FLNC: variants seen among roughly 807,000 people sequenced by gnomAD.
FLNC encodes the protein filamin C, also known as filamin-C.
A neutral mutation model predicts 254.3 loss-of-function variants in FLNC; 91 were observed. The ratio of observed to expected loss-of-function variants is 0.36; its 90% CI spans 0.30 to 0.43. The LOEUF (loss-of-function observed/expected upper bound fraction) is 0.43, where lower values mean the gene tolerates loss of function less well. FLNC is among the 20% of genes least tolerant of loss of function. The pLI, the probability that FLNC is intolerant of heterozygous loss-of-function variation, is 1.00. For missense variants in FLNC, 2,853 were observed against 3,802.6 expected (o/e 0.75, Z 6.57); for synonymous variants, 1,430 against 1,577.2 (o/e 0.91, Z 2.21).
rs1227658348 is a variant in FLNC at position 128,842,684 on chromosome 7, G to T, written c.2375G>T (p.Ser792Ile). The T allele has an allele frequency of 1.4e-5, 21 of 1,554,792 alleles. No homozygotes were observed. The highest frequency in any genetic ancestry group is 1.7e-4 in the Middle Eastern group (1 of 5,786). ...NEPTYFTVDCSEAGQGDVSIG... is the reference protein window; with the variant it reads ...NEPTYFTVDCIEAGQGDVSIG... ...CCCACCTACTTCACGGTGGACTGCA[G>T]CGAGGCGGGGCAAGGTGCGCCCAGC... The change falls in exon 15 of 48, where the codon AGC becomes ATC. Residue 792 changes from serine to isoleucine, a missense_variant. This residue lies in a region of FLNC where 1,573 missense variants were observed against 1,883.5 expected (regional missense o/e 0.84). Coordinates refer to ENST00000325888, the MANE Select transcript of FLNC (RefSeq NM_001458.5). The surrounding 1 kb of genome is among the most constrained non-coding windows in gnomAD (Gnocchi z 5.4).
chr7:128,840,074 G>T lies in FLNC; in HGVS notation c.1463G>T (p.Gly488Val). The T allele has an allele frequency of 1.2e-6, 2 of 1,614,156 alleles. No homozygotes were observed. The highest frequency in any genetic ancestry group is 1.7e-6 in the Non-Finnish European group (2 of 1,180,044). The change falls in exon 9 of 48, where the codon GGT (glycine) becomes GTT (valine). Residue 488 changes from glycine (G) to valine (V), a missense_variant. By Grantham distance (109) the Gly-to-Val change is moderately radical (BLOSUM62 -3). Coordinates refer to ENST00000325888, the MANE Select transcript of FLNC (RefSeq NM_001458.5). ...RASGRGLQPKGVRVKEVADFK... is the reference protein window; with the variant it reads ...RASGRGLQPKVVRVKEVADFK... The stretch of plus-strand genomic sequence containing the variant: ...TCTGGGCGAGGCCTGCAGCCCAAGG[G>T]TGTTCGCGTGAAAGAGGTGGCTGAC...
rs550547714 is a variant in FLNC at position 128,856,648 on chromosome 7, G to A, written c.7382G>A (p.Ser2461Asn). 44 of 1,613,134 alleles carry A rather than the reference G, an allele frequency of 2.7e-5. No individual in the cohort carries two copies. The highest frequency in any genetic ancestry group is 3.6e-5 in the Non-Finnish European group (43 of 1,180,038). Residue 2461 changes from serine to asparagine, a missense_variant and splice_region_variant, in exon 44 of 48, where the codon AGT becomes AAT. This residue lies in a region of FLNC where 47 missense variants were observed against 40.3 expected (regional missense o/e 1.17). Coordinates refer to ENST00000325888, the MANE Select transcript of FLNC (RefSeq NM_001458.5). The surrounding 1 kb of genome is among the most constrained non-coding windows in gnomAD (Gnocchi z 5.9). ...GAGTGCTACGTCTCTGAGCTGGACA[G>A]TGGTGAGCTGGCCCTGCCCCTGCCA... is the stretch of plus-strand genomic sequence containing the variant. ...VEECYVSELD[S>N]DKHTIRFIPH...
rs1438597118 is a variant in FLNC, at chr7:128,836,364, C to T, written c.601+790C>T. Among the ~76,000 whole-genome samples the T allele has an allele frequency of 6.6e-6, 1 of 152,184 alleles. No homozygotes were observed. Among genetic ancestry groups the T allele is most frequent in the African/African-American group, 2.4e-5 (1 of 41,440 alleles). ...GGGGCACAGCCTCCTGGGAAGCATT[C>T]CCAGCTGCTGAGCCATGGCCCATAA... On this transcript the variant is annotated intron_variant, in intron 2 of 47. Transcript: ENST00000325888. The surrounding 1 kb of genome is among the most constrained non-coding windows in gnomAD (Gnocchi z 6.0).
In FLNC at chr7:128,849,340, T is replaced by C. The variant is rs761813135; in HGVS notation, c.4961T>C (p.Leu1654Pro). ...ATCTCCCGCATGGCAGGTGCCTGCCTGGGCCCTCGAATCCAGATTGGGCAG... is the reference window on the plus strand; with the variant it reads ...ATCTCCCGCATGGCAGGTGCCTGCCCGGGCCCTCGAATCCAGATTGGGCAG... Reference protein sequence around the residue: ...SIGGHGLGACLGPRIQIGQET... With the variant: ...SIGGHGLGACPGPRIQIGQET... The change falls in exon 30 of 48, where the codon CTG (leucine) becomes CCG (proline). Residue 1654 changes from leucine to proline, a missense_variant. By Grantham distance (98) the Leu-to-Pro change is moderately conservative. This residue lies in a region of FLNC where 258 missense variants were observed against 312.3 expected (regional missense o/e 0.83). Transcript: ENST00000325888. The C allele has an allele frequency of 1.9e-6, 3 of 1,614,040 alleles. No homozygotes were observed. The South Asian group carries it at 3.3e-5, about 18-fold the overall frequency.
rs75234599 is a variant in FLNC at position 128,844,510 on chromosome 7, C to T, written c.3193-148C>T. Reference sequence around the variant, plus strand: ...CTAACTGGGGCAAATTGCTTCATCTCGCTGCCTCAATGTCATCACCTGGGA... The same window carrying T: ...CTAACTGGGGCAAATTGCTTCATCTTGCTGCCTCAATGTCATCACCTGGGA... On this transcript the variant is annotated intron_variant, in intron 20 of 47. Coordinates refer to ENST00000325888, the MANE Select transcript of FLNC (RefSeq NM_001458.5). The T allele has an allele frequency of 0.032, 29,783 of 919,776 alleles. 678 individuals are homozygous for T. Among genetic ancestry groups the T allele is most frequent in the Non-Finnish European group, 0.037 (21,712 of 580,836 alleles). The allele number at this position is 919,776 out of a possible 1,614,324, so 57.0% of individuals were successfully genotyped here.
At chr7:128,843,186 G>A (rs1424050492) in intron 16 of FLNC, 43 bp from the exon 17 acceptor site, 3 of 1,522,840 alleles carry the variant, frequency 2.0e-6, no homozygotes, top group African/African-American at 1.4e-5. Flanking sequence ...GAGCAGGGGT[G>A]TGTTCCCCTC....
At chr7:128,843,696 A>G (rs889038262) in intron 18 of FLNC, 100 bp from the exon 19 acceptor site, 35 of 1,484,760 alleles carry the variant, frequency 2.4e-5, no homozygotes, top group Non-Finnish European at 3.3e-5. Flanking sequence ...TCCTGCCCTC[A>G]CTCTCATGGT....
chr7:128,843,064 G>GCC, intron 16 of FLNC, 110 bp downstream of exon 16: 1 of 1,452,790 alleles, frequency 6.9e-7, no homozygotes, highest in Non-Finnish European at 9.5e-7. Flanking sequence ...ACATGGTGGA[G>GCC]CCCTACCTGT....
chr7:128,840,629 A>G lies in FLNC; in HGVS notation c.1631A>G (p.Lys544Arg). ...ECEYYPVVPG[K>R]YVVTITWGGY... ...GAGTACTACCCGGTGGTGCCTGGGA[A>G]GTATGTGGTGACCATCACGTGGGGC... Residue 544 changes from lysine (K) to arginine (R), a missense_variant, in exon 10 of 48, where the codon AAG (lysine) becomes AGG (arginine). This residue lies in a region of FLNC where 1,573 missense variants were observed against 1,883.5 expected (regional missense o/e 0.84). Transcript: ENST00000325888. The G allele has an allele frequency of 6.2e-7, 1 of 1,614,152 alleles. No individual in the cohort carries two copies. The highest frequency in any genetic ancestry group is 8.5e-7 in the Non-Finnish European group (1 of 1,180,012).
rs765922145 is a variant in FLNC at position 128,845,158 on chromosome 7, C to T, written c.3693C>T (p.Gly1231=). The change falls in exon 21 of 48, where the codon GGC becomes GGT. Residue 1231 remains glycine (G), a synonymous_variant. Transcript: ENST00000325888. ...CCTACACCATTACCATCAAGTATGG[C>T]GGGCATCCCGTGCCCAAATTCCCCA... ...PGTYTITIKY[G]GHPVPKFPTR... 2.7e-5 allele frequency: 44 copies of T among 1,613,822 alleles called. No homozygotes were observed. Among genetic ancestry groups the T allele is most frequent in the Non-Finnish European group, 3.4e-5 (40 of 1,180,032 alleles).
chr7:128,836,964 G>A lies in FLNC; in HGVS notation c.602-196G>A, dbSNP rs1040206343. On this transcript the variant is annotated intron_variant, in intron 2 of 47. Transcript: ENST00000325888. This position sits in a 1 kb window ranked among gnomAD's most constrained non-coding sequence, Gnocchi z 6.0. ...GCAGAAAGGCTTCATTGTTGGTGGT[G>A]GAGAGGGCTGTCCTGCTCCTACGTG... Among the ~76,000 whole-genome samples, 1 of 152,244 alleles carries A rather than the reference G, an allele frequency of 6.6e-6. No individual in the cohort carries two copies. The highest frequency in any genetic ancestry group is 2.4e-5 in the African/African-American group (1 of 41,464).
Position 128,854,008 on chromosome 7 carries a change from C to T in FLNC, c.6519C>T (p.Arg2173=). 6.2e-7 allele frequency: 1 copy of T among 1,613,318 alleles called. No homozygotes were observed. Among genetic ancestry groups the T allele is most frequent in the Non-Finnish European group, 8.5e-7 (1 of 1,180,012 alleles). ...TCCAGATGGTGTCTGCCCAGGAGCGCCTGACACGCACCTTCACACGCAGCA... is the reference window on the plus strand; with the variant it reads ...TCCAGATGGTGTCTGCCCAGGAGCGTCTGACACGCACCTTCACACGCAGCA... ...NWFQMVSAQE[R]LTRTFTRSSH... Residue 2173 remains arginine, a synonymous_variant, in exon 40 of 48, where the codon CGC becomes CGT. Coordinates refer to ENST00000325888, the MANE Select transcript of FLNC (RefSeq NM_001458.5).
In FLNC at chr7:128,858,687, C is replaced by T. The variant is rs1006014295; in HGVS notation, c.*164C>T. 48 of 648,510 alleles carry T rather than the reference C, an allele frequency of 7.4e-5. No individual in the cohort carries two copies. Among genetic ancestry groups the T allele is most frequent in the African/African-American group, 3.4e-4 (19 of 55,500 alleles). The allele number at this position is 648,510 out of a possible 1,614,324, so 40.2% of individuals were successfully genotyped here. A position where few individuals can be genotyped will look rare whatever the true frequency, so the allele number is the denominator to read the frequency against. ...TGAAGGCCCAGCCTCCCCACCCCAC[C>T]GCGCCCCAGGGGTTGGAGGACCTTG... On this transcript the variant is annotated 3_prime_UTR_variant, in exon 48 of 48. Coordinates refer to ENST00000325888, the MANE Select transcript of FLNC (RefSeq NM_001458.5). This position sits in a 1 kb window ranked among gnomAD's most constrained non-coding sequence, Gnocchi z 6.7.
rs1808084788 is a variant in FLNC at position 128,836,123 on chromosome 7, C to T, written c.601+549C>T. 6.6e-6 allele frequency among the ~76,000 whole-genome samples: 1 copy of T among 152,212 alleles called. No homozygotes were observed. The highest frequency in any genetic ancestry group is 6.5e-5 in the Admixed American group (1 of 15,286). On this transcript the variant is annotated intron_variant, in intron 2 of 47. Transcript: ENST00000325888. The surrounding 1 kb of genome is among the most constrained non-coding windows in gnomAD (Gnocchi z 6.0). ...ACTGCCTGGTGGCAGGTGAGCCAGCCTTGCCCCTTCTCCGTGTAGGTCCTG... is the reference window on the plus strand; with the variant it reads ...ACTGCCTGGTGGCAGGTGAGCCAGCTTTGCCCCTTCTCCGTGTAGGTCCTG...
In FLNC at chr7:128,843,474, A is replaced by T. The variant is rs1217640385; in HGVS notation, c.2708A>T (p.Asp903Val). The T allele has an allele frequency of 6.2e-7, 1 of 1,613,976 alleles. No individual in the cohort carries two copies. Among genetic ancestry groups the T allele is most frequent in the African/African-American group, 1.3e-5 (1 of 74,932 alleles). The change falls in exon 18 of 48, where the codon GAT becomes GTT. Residue 903 changes from aspartate (D) to valine (V), a missense_variant. Transcript: ENST00000325888. ...LTKGAGKAKLDVQFAGTAKGE... is the reference protein window; with the variant it reads ...LTKGAGKAKLVVQFAGTAKGE... ...AAGGGAGCCGGCAAGGCCAAGCTGG[A>T]TGTGCAGTTTGCAGGGACAGCCAAG... is the stretch of plus-strand genomic sequence containing the variant.
rs1180157783 is a variant in FLNC at position 128,844,771 on chromosome 7, C to T, written c.3306C>T (p.Pro1102=). ...TGGLGLTVEG[P]CEAKIECQDN... ...GCCTGGGGCTGACCGTAGAGGGCCCCTGCGAGGCCAAGATCGAGTGCCAGG... is the reference window on the plus strand; with the variant it reads ...GCCTGGGGCTGACCGTAGAGGGCCCTTGCGAGGCCAAGATCGAGTGCCAGG... Residue 1102 remains proline, a synonymous_variant, in exon 21 of 48, where the codon CCC becomes CCT. Coordinates refer to ENST00000325888, the MANE Select transcript of FLNC (RefSeq NM_001458.5). 6.2e-7 allele frequency: 1 copy of T among 1,613,988 alleles called. No homozygotes were observed. The highest frequency in any genetic ancestry group is 2.2e-5 in the East Asian group (1 of 44,904).
At chr7:128,838,203 G>A (rs1050687206) in intron 6 of FLNC, 64 bp from the exon 7 acceptor site, 4 of 1,560,500 alleles carry the variant, frequency 2.6e-6, no homozygotes, top group Non-Finnish European at 3.5e-6. Context: ...GCCTGGCTGT[G>A]CCCCTCTGCC....
Position 128,832,755 on chromosome 7 carries a change from C to T in FLNC, c.352+1766C>T, listed in dbSNP as rs114026509. Among the ~76,000 whole-genome samples the T allele has an allele frequency of 4.1e-3, 623 of 152,310 alleles. 1 individual carries two copies. The highest frequency in any genetic ancestry group is 0.014 in the African/African-American group (566 of 41,570). On this transcript the variant is annotated intron_variant, in intron 1 of 47. Transcript: ENST00000325888. ...ATTTGGGCCAAGTGGCTCACTGGCG[C>T]TGATGAGATAAGCTGTCAGCAATTC...
At position 128,846,858 on chromosome 7, in the gene FLNC, C is replaced by A; in HGVS notation, c.4241C>A (p.Pro1414His). 6.2e-7 allele frequency: 1 copy of A among 1,614,252 alleles called. No individual in the cohort carries two copies. The highest frequency in any genetic ancestry group is 8.5e-7 in the Non-Finnish European group (1 of 1,180,040). The change falls in exon 24 of 48, where the codon CCT becomes CAT. Residue 1414 changes from proline to histidine, a missense_variant. Pro to His is a moderately conservative substitution (Grantham distance 77). Around this residue, in one of 10 missense-constraint regions of FLNC, gnomAD observed 1,573 missense variants for 1,883.5 expected, o/e 0.84. Transcript: ENST00000325888. ...ACCGTGGAGTACATCCCCTTCACTCCTGGAGACTATGACGTCAACATCACC... is the reference window on the plus strand; with the variant it reads ...ACCGTGGAGTACATCCCCTTCACTCATGGAGACTATGACGTCAACATCACC... ...SCTVEYIPFT[P>H]GDYDVNITFG...
Sources: allele counts gnomAD v4.1 joint callset (sites outside exome capture counted in the v4.1 genomes callset), GRCh38; gene constraint gnomAD v4.1.1; regional missense constraint gnomAD v4.1.1; non-coding constraint Gnocchi (gnomAD v3.1); transcripts MANE v1.5; gene names NCBI Gene and HGNC (gene_info 2026-07-23, HGNC 2026-07-21).